SLC43A2: variants seen among roughly 807,000 people sequenced by gnomAD.
SLC43A2 encodes the protein large neutral amino acids transporter small subunit 4.
A neutral mutation model predicts 63.2 loss-of-function variants in SLC43A2; 38 were observed. The observed-to-expected ratio is 0.60, with a 90% CI of 0.46 to 0.79. SLC43A2 has a LOEUF of 0.79. SLC43A2 is among the 30% of genes least tolerant of loss of function. The probability of loss-of-function intolerance (pLI) is 0.00; values close to 1 mark genes in which losing one functional copy is unlikely to be tolerated. For missense variants in SLC43A2, 644 were observed against 756.2 expected, an observed-to-expected ratio of 0.85 and a Z score of 1.74; for synonymous variants, 322 against 331.0, an observed-to-expected ratio of 0.97 and a Z score of 0.30.
intron 13 of SLC43A2, 68 bp from the exon 14 acceptor site, chr17:1,575,833 A>C (rs370235805): frequency 1.3e-6 from 2 of 1,507,066 alleles, no homozygotes; most frequent in African/African-American, 2.8e-5. Context: ...CCCGCCCTCC[A>C]CTCGGGTTTG....
Position 1,571,746 on chromosome 17 carries a change from G to C in SLC43A2, c.*3858C>G, listed in dbSNP as rs915553482. The C allele has an allele frequency of 2.0e-5, 3 of 152,342 alleles. 1 individual carries two copies. The highest frequency in any genetic ancestry group is 1.5e-5 in the Non-Finnish European group (1 of 68,128). The allele number at this position is 152,342 out of a possible 1,614,324, so 9.4% of individuals were successfully genotyped here. A position where few individuals can be genotyped will look rare whatever the true frequency, so the allele number is the denominator to read the frequency against. On this transcript the variant is annotated 3_prime_UTR_variant, in exon 14 of 14. Transcript: ENST00000301335. The surrounding 1 kb of genome is among the most constrained non-coding windows in gnomAD (Gnocchi z 5.2). ...AGGATCCACCAGGGCCTGCAACCAC[G>C]TCTTTGGCCCCGGTGAGGGGTGGGA...
chr17:1,579,948 T>G (rs892453324), intron 11 of SLC43A2, among the ~76,000 whole-genome samples: 1 of 152,088 alleles, frequency 6.6e-6, no homozygotes, highest in Admixed American at 6.5e-5. Flanking sequence ...TTTTTTTTTT[T>G]TGGAGACAGA....
intron 4 of SLC43A2, among the ~76,000 whole-genome samples, chr17:1,614,215 C>T (rs528302144): frequency 6.6e-6 from 1 of 152,020 alleles, no homozygotes; most frequent in Non-Finnish European, 1.5e-5. Flanking sequence ...TGCACTCCAG[C>T]CCGGGCGACA....
chr17:1,582,076 G>T (rs528442413), intron 11 of SLC43A2, among the ~76,000 whole-genome samples: 26 of 144,084 alleles, frequency 1.8e-4, no homozygotes, highest in South Asian at 1.8e-3. Flanking sequence ...AAGTGTTTTG[G>T]TTTTTTTTGG....
At position 1,593,344 on chromosome 17, in the gene SLC43A2, G is replaced by A. The variant is rs1904997677; in HGVS notation, c.502-65C>T. On this transcript the variant is annotated intron_variant, in intron 5 of 13. Coordinates refer to ENST00000301335, the MANE Select transcript of SLC43A2 (RefSeq NM_152346.3). The surrounding 1 kb of genome is among the most constrained non-coding windows in gnomAD (Gnocchi z 5.3). ...GCACCAGGGAAGGGGAGGAGGAGGG[G>A]ACAGAGAACTAGGCCCCATGAGGCC... is the stretch of plus-strand genomic sequence containing the variant. 3 of 1,454,048 alleles carry A rather than the reference G, an allele frequency of 2.1e-6. No homozygotes were observed. The highest frequency in any genetic ancestry group is 1.4e-5 in the African/African-American group (1 of 71,832). The allele number at this position is 1,454,048 out of a possible 1,614,324, so 90.1% of individuals were successfully genotyped here. A position where few individuals can be genotyped will look rare whatever the true frequency, so the allele number is the denominator to read the frequency against.
intron 9 of SLC43A2, chr17:1,587,037 G>A: frequency 7.0e-7 from 1 of 1,427,650 alleles, no homozygotes; most frequent in South Asian, 1.3e-5. Context: ...ACAGAGAGAT[G>A]GGAGAGGAGG....
chr17:1,625,010 G>A (rs1003900075), intron 2 of SLC43A2, among the ~76,000 whole-genome samples: 46 of 152,142 alleles, frequency 3.0e-4, no homozygotes, highest in African/African-American at 1.0e-3. Flanking sequence ...GGAGTGGGCC[G>A]TCACGTTGCC....
At chr17:1,613,386 C>A in intron 4 of SLC43A2, 115 bp from the exon 5 acceptor site, 1 of 842,400 alleles carries the variant, frequency 1.2e-6, no homozygotes, top group South Asian at 1.5e-5. Flanking sequence ...AAACGCAGGC[C>A]GGGGTTAGTA....
intron 5 of SLC43A2, among the ~76,000 whole-genome samples, chr17:1,607,135 G>A (rs1017798564): frequency 2.0e-4 from 20 of 102,034 alleles, no homozygotes; most frequent in Admixed American, 1.0e-3. Context: ...CTTCCACAGC[G>A]CCGTCCCCTA....
chr17:1,604,510 T>TG (rs1906395894), intron 5 of SLC43A2: 3 of 573,810 alleles, frequency 5.2e-6, no homozygotes, highest in East Asian at 3.0e-5. Flanking sequence ...TTAGGCAACC[T>TG]GGGGGTCCCT....
At chr17:1,609,170 GAC>G (rs1332852208) in intron 5 of SLC43A2, among the ~76,000 whole-genome samples, 13 of 152,158 alleles carry the variant, frequency 8.5e-5, no homozygotes, top group Non-Finnish European at 1.9e-4. Context: ...TGGAGGAAAA[GAC>G]ACTCGTGTAC....
In SLC43A2 at chr17:1,627,844, G is replaced by A; in HGVS notation, c.31C>T (p.Arg11Cys). 1.3e-6 allele frequency: 2 copies of A among 1,586,014 alleles called. No homozygotes were observed. The highest frequency in any genetic ancestry group is 1.7e-6 in the Non-Finnish European group (2 of 1,166,448). MAPTLATAHR[R>C]RWWMACTAVL... The stretch of plus-strand genomic sequence containing the variant: ...GCCGTGCAGGCCATCCACCAGCGGC[G>A]CCGATGGGCAGTGGCCAGGGTGGGC... Residue 11 changes from arginine (R) to cysteine (C), a missense_variant, in exon 2 of 14, where the codon CGC becomes TGC. Arg to Cys is a radical substitution (Grantham distance 180). Coordinates refer to ENST00000301335, the MANE Select transcript of SLC43A2 (RefSeq NM_152346.3).
Position 1,605,307 on chromosome 17 carries a change from G to A in SLC43A2, c.501+7888C>T. 2 of 891,998 alleles carry A rather than the reference G, an allele frequency of 2.2e-6. No individual in the cohort carries two copies. Among genetic ancestry groups the A allele is most frequent in the Non-Finnish European group, 2.7e-6 (2 of 732,590 alleles). 55.3% of individuals were successfully genotyped at this position (891,998 alleles called of 1,614,324 possible). ...GACCTTCCCAGAGGGGAAAACAGCAGCTGCAGGCGGCCCCTCCCCTGGCAT... is the reference window on the plus strand; with the variant it reads ...GACCTTCCCAGAGGGGAAAACAGCAACTGCAGGCGGCCCCTCCCCTGGCAT... On this transcript the variant is annotated intron_variant, in intron 5 of 13. Transcript: ENST00000301335. The surrounding 1 kb of genome is among the most constrained non-coding windows in gnomAD (Gnocchi z 4.9).
chr17:1,589,205 G>C (rs1259662253), intron 9 of SLC43A2, among the ~76,000 whole-genome samples: 2 of 152,192 alleles, frequency 1.3e-5, no homozygotes, highest in Non-Finnish European at 2.9e-5. Flanking sequence ...AGATTTCTCA[G>C]ACAGCTTGAG....
upstream of SLC43A2, chr17:1,629,018 G>C (rs1042464948): frequency 2.0e-5 from 3 of 152,222 alleles, no homozygotes; most frequent in African/African-American, 7.2e-5. Context: ...ATGGGGGACG[G>C]GAGGGGCCTG....
rs368369031 is a variant in SLC43A2 at position 1,580,586 on chromosome 17, C to T, written c.1351-2263G>A. On this transcript the variant is annotated intron_variant, in intron 11 of 13. Transcript: ENST00000301335. ...TGTTTTGTTTGGTTTTGTTTTGGGA[C>T]GGTCTCGCTCTACACCCCAGGCTGG... Among the ~76,000 whole-genome samples, 42 of 152,146 alleles carry T rather than the reference C, an allele frequency of 2.8e-4. 1 individual carries two copies. The highest frequency in any genetic ancestry group is 6.7e-4 in the African/African-American group (28 of 41,536).
At chr17:1,614,428 A>AAACAAAACAAAACAAC in intron 4 of SLC43A2, among the ~76,000 whole-genome samples, 1 of 151,918 alleles carries the variant, frequency 6.6e-6, no homozygotes, top group East Asian at 1.9e-4. Flanking sequence ...AAACAAAACA[A>AAACAAAACAAAACAAC]AACAACAACA....
chr17:1,601,066 G>GTGTT (rs60232078), intron 5 of SLC43A2, among the ~76,000 whole-genome samples: 108,889 of 150,266 alleles, frequency 0.72, 39,543 homozygotes, highest in East Asian at 0.81. Context: ...CAGTTTGGTG[G>GTGTT]TGTTTGTTTG....
chr17:1,581,732 C>T (rs1020902441), intron 11 of SLC43A2, among the ~76,000 whole-genome samples: 4 of 152,000 alleles, frequency 2.6e-5, no homozygotes, highest in Admixed American at 6.6e-5. Context: ...AGGCAGGTGA[C>T]AAGGGCCACC....
Sources: gnomAD v4.1 joint callset for allele counts (sites outside exome capture counted in the v4.1 genomes callset) on GRCh38, gnomAD v4.1.1 for gene constraint, Gnocchi (gnomAD v3.1) non-coding constraint, MANE v1.5 for transcripts, NCBI Gene and HGNC (gene_info 2026-07-23, HGNC 2026-07-21) for gene names.